The following ADAMTSL3 variants were observed in gnomAD, a reference collection of about 807,000 sequenced individuals.
The protein encoded by ADAMTSL3 is ADAMTS like 3, also known as ADAMTS-like protein 3.
Under a neutral mutation model 201.7 loss-of-function variants are expected in ADAMTSL3, and 128 were observed. The ratio of observed to expected loss-of-function variants is 0.63; its 90% CI spans 0.55 to 0.73. ADAMTSL3 has a LOEUF of 0.73. ADAMTSL3 is among the 30% of genes least tolerant of loss of function. ADAMTSL3 has a pLI of 0.00. For synonymous variants in ADAMTSL3, 738 were observed against 748.4 expected, an observed-to-expected ratio of 0.99 and a Z score of 0.23; for missense variants, 1,990 against 2,119.6, an observed-to-expected ratio of 0.94 and a Z score of 1.20.
chr15:83,996,615 A>G lies in ADAMTSL3; in HGVS notation c.3973+5401A>G, dbSNP rs371371528. On this transcript the variant is annotated intron_variant, in intron 23 of 29. Transcript: ENST00000286744. ...GCTAACATGGTGAAACCCTGTCTCT[A>G]CTAAAAATACAAAAAATTAGCTGGG... 4.6e-5 allele frequency among the ~76,000 whole-genome samples: 7 copies of G among 151,922 alleles called. No homozygotes were observed. The Middle Eastern group carries it at 0.017, about 369-fold the overall frequency.
intron 14 of ADAMTSL3, among the ~76,000 whole-genome samples, chr15:83,899,202 A>G (rs1344032806): frequency 6.6e-6 from 1 of 152,212 alleles, no homozygotes; most frequent in East Asian, 1.9e-4. Flanking sequence ...TGAGTAAACT[A>G]TAACACAGAC....
At chr15:83,689,479 A>G (rs895731110) in intron 2 of ADAMTSL3, among the ~76,000 whole-genome samples, 9 of 152,152 alleles carry the variant, frequency 5.9e-5, no homozygotes, top group African/African-American at 1.9e-4. Flanking sequence ...TTTGGATTTT[A>G]TACAAATGGA....
At chr15:83,711,344 T>C (rs2562774) in intron 3 of ADAMTSL3, among the ~76,000 whole-genome samples, 111,269 of 152,174 alleles carry the variant, frequency 0.73, 41,315 homozygotes, top group South Asian at 0.86. Flanking sequence ...ACTTCTGAAA[T>C]TTCTGGTGAA....
chr15:83,887,561 C>G (rs1386877353), intron 10 of ADAMTSL3, among the ~76,000 whole-genome samples: 1 of 152,182 alleles, frequency 6.6e-6, no homozygotes, highest in African/African-American at 2.4e-5. Context: ...CTTTGAGTCA[C>G]TTATGACTCT....
chr15:83,814,140 A>T (rs1294594182), intron 5 of ADAMTSL3, among the ~76,000 whole-genome samples: 1 of 152,032 alleles, frequency 6.6e-6, no homozygotes, highest in Non-Finnish European at 1.5e-5. Context: ...CCATTGCGGG[A>T]TCCCTCATAC....
chr15:83,689,013 G>C (rs928028295), intron 2 of ADAMTSL3, among the ~76,000 whole-genome samples: 8 of 151,920 alleles, frequency 5.3e-5, no homozygotes, highest in African/African-American at 1.7e-4. Context: ...TGTAGAGACG[G>C]AGTTTCACCA....
chr15:83,784,736 ATC>A (rs1310825317), intron 4 of ADAMTSL3, among the ~76,000 whole-genome samples: 4 of 152,126 alleles, frequency 2.6e-5, no homozygotes, highest in African/African-American at 9.6e-5. Flanking sequence ...TTTTATAACT[ATC>A]TCTGTCATTA....
At chr15:83,970,743 G>A (rs1200373446) in intron 20 of ADAMTSL3, 106 bp downstream of exon 20, 9 of 1,394,064 alleles carry the variant, frequency 6.5e-6, no homozygotes, top group Non-Finnish European at 8.9e-6. Flanking sequence ...TGTGGGTAAG[G>A]CAACTCAAGC....
At position 83,749,020 on chromosome 15, in the gene ADAMTSL3, G is replaced by A. The variant is rs141748893; in HGVS notation, c.190-24503G>A. ...AGAGAATGAAGCAGGATGAGCAGTG[G>A]GAGGTGTCAAACTGAAATGCAGCCC... On this transcript the variant is annotated intron_variant, in intron 3 of 29. Transcript: ENST00000286744. Among the ~76,000 whole-genome samples the A allele has an allele frequency of 3.9e-5, 6 of 152,276 alleles. 1 individual carries two copies. The East Asian group carries it at 1.2e-3, about 29-fold the overall frequency.
intron 2 of ADAMTSL3, among the ~76,000 whole-genome samples, chr15:83,692,997 G>A (rs758462598): frequency 1.3e-5 from 2 of 152,154 alleles, no homozygotes; most frequent in Non-Finnish European, 2.9e-5. Context: ...TCCCCGACGT[G>A]TTTCTGGACT....
In ADAMTSL3 at chr15:83,872,627, C is replaced by CACACACACACACACACACAGAG. The variant is rs6145659; in HGVS notation, c.960+1669_960+1670insCACACACACACACACACAGAGA. On this transcript the variant is annotated intron_variant, in intron 9 of 29. Coordinates refer to ENST00000286744, the MANE Select transcript of ADAMTSL3 (RefSeq NM_207517.3). ...ACACACACACACACACACACACACA[C>CACACACACACACACACACAGAG]AGAGTTTTTGTTCTCTTTTAATTAC... Among the ~76,000 whole-genome samples the CACACACACACACACACACAGAG allele has an allele frequency of 6.7e-3, 944 of 140,974 alleles. 7 individuals carry two copies. The highest frequency in any genetic ancestry group is 8.4e-3 in the Admixed American group (119 of 14,182). The allele number at this position is 140,974 out of a possible 152,430, so 92.5% of individuals were successfully genotyped here.
intron 19 of ADAMTSL3, among the ~76,000 whole-genome samples, chr15:83,954,084 G>T (rs945690456): frequency 6.6e-6 from 1 of 152,114 alleles, no homozygotes; most frequent in African/African-American, 2.4e-5. Context: ...CTCTAGGTTT[G>T]GGAAGTTCTC....
chr15:83,920,132 T>A, intron 16 of ADAMTSL3, among the ~76,000 whole-genome samples: 1 of 152,186 alleles, frequency 6.6e-6, no homozygotes, highest in East Asian at 1.9e-4. Context: ...CATAGTGGAG[T>A]ACAAGAATTC....
intron 16 of ADAMTSL3, among the ~76,000 whole-genome samples, chr15:83,919,819 C>A (rs143244958): frequency 1.3e-5 from 2 of 151,970 alleles, no homozygotes; most frequent in African/African-American, 4.8e-5. Context: ...CAAGCACAGT[C>A]GTGGAGATTG....
At chr15:83,798,785 C>T (rs561938381) in intron 4 of ADAMTSL3, among the ~76,000 whole-genome samples, 78 of 126,772 alleles carry the variant, frequency 6.2e-4, no homozygotes, top group African/African-American at 2.2e-3. Context: ...CCAGCCTGAG[C>T]GACAGAGTGG....
intron 23 of ADAMTSL3, among the ~76,000 whole-genome samples, chr15:83,995,260 A>G (rs1204797554): frequency 6.6e-6 from 1 of 152,200 alleles, no homozygotes; most frequent in East Asian, 1.9e-4. Context: ...CTCCATCTCT[A>G]CCACAGAGAT....
chr15:83,990,029 T>C (rs2067555292), intron 22 of ADAMTSL3, among the ~76,000 whole-genome samples: 1 of 152,234 alleles, frequency 6.6e-6, no homozygotes, highest in Non-Finnish European at 1.5e-5. Flanking sequence ...GGTCTTTAAA[T>C]AGTCTTTTCT....
chr15:83,939,625 CT>C (rs561880272), intron 17 of ADAMTSL3, among the ~76,000 whole-genome samples: 291 of 140,216 alleles, frequency 2.1e-3, no homozygotes, highest in Middle Eastern at 3.7e-3. Context: ...GAAGGACCAA[CT>C]TTTTTTTTTT....
intron 12 of ADAMTSL3, 33 bp downstream of exon 12, chr15:83,891,412 T>TAC: frequency 6.3e-7 from 1 of 1,581,578 alleles, no homozygotes; most frequent in Non-Finnish European, 8.7e-7. Context: ...CTTTTTGCAA[T>TAC]TTAAGTAGTT....
Sources: gnomAD v4.1 joint callset for allele counts (sites outside exome capture counted in the v4.1 genomes callset) on GRCh38, gnomAD v4.1.1 for gene constraint, MANE v1.5 for transcripts, NCBI Gene and HGNC (gene_info 2026-07-23, HGNC 2026-07-21) for gene names.